The following UPRT variants were observed in gnomAD, a reference collection of about 807,000 sequenced individuals.
UPRT encodes uracil phosphoribosyltransferase homolog.
Under a neutral mutation model 22.6 loss-of-function variants are expected in UPRT, and 5 were observed. The ratio of observed to expected loss-of-function variants is 0.22; its 90% confidence interval spans 0.12 to 0.47. The LOEUF (loss-of-function observed/expected upper bound fraction) is 0.47. Ranked by LOEUF, UPRT falls within the 20% of genes least tolerant of loss-of-function variation. The probability of loss-of-function intolerance (pLI) is 0.99; values close to 1 mark genes in which losing one functional copy is unlikely to be tolerated. For synonymous variants in UPRT, 77 were observed against 87.7 expected (o/e 0.88, Z 0.68); for missense variants, 181 against 239.9 (o/e 0.75, Z 1.62).
intron 4 of UPRT, among the ~76,000 whole-genome samples, chrX:75,197,567 T>A (rs2082336344): frequency 9.0e-6 from 1 of 111,539 alleles, no homozygotes; most frequent in Admixed American, 9.6e-5. Flanking sequence ...ATCCAAAAAA[T>A]TTCCAGAAAT....
At chrX:75,281,512 T>G (rs2082656763) in intron 1 of UPRT, among the ~76,000 whole-genome samples, 2 of 112,076 alleles carry the variant, frequency 1.8e-5, no homozygotes, top group African/African-American at 6.5e-5. Context: ...TCTGCATCTA[T>G]TGAGATGATC....
chrX:75,234,136 C>G (rs1338831126), intron 4 of UPRT, among the ~76,000 whole-genome samples: 1 of 110,358 alleles, frequency 9.1e-6, no homozygotes, highest in South Asian at 3.9e-4. Flanking sequence ...GGTTGCAATC[C>G]TAGTCTCTGA....
chrX:75,265,219 G>T (rs1347438091), intron 4 of UPRT, among the ~76,000 whole-genome samples: 1 of 111,599 alleles, frequency 9.0e-6, no homozygotes, highest in Non-Finnish European at 1.9e-5. Flanking sequence ...GAATTTGAAT[G>T]TTGGCCTGCC....
At chrX:75,179,878 C>G (rs1285868744) in intron 4 of UPRT, among the ~76,000 whole-genome samples, 1 of 112,870 alleles carries the variant, frequency 8.9e-6, no homozygotes, top group Non-Finnish European at 1.9e-5. Flanking sequence ...GCATGCAGCC[C>G]CGGTTCCCGC....
intron 4 of UPRT, among the ~76,000 whole-genome samples, chrX:75,197,151 T>C (rs2082335024): frequency 9.0e-6 from 1 of 111,132 alleles, no homozygotes; most frequent in Admixed American, 9.6e-5. Context: ...GAAAAAATAA[T>C]CCTCCTTAAG....
intron 4 of UPRT, among the ~76,000 whole-genome samples, chrX:75,252,037 C>T (rs921513474): frequency 3.6e-5 from 4 of 112,332 alleles, no homozygotes; most frequent in Non-Finnish European, 5.6e-5. Flanking sequence ...GCATCCCTTC[C>T]TTACACCTTA....
chrX:75,247,719 A>G (rs992004439), intron 4 of UPRT, among the ~76,000 whole-genome samples: 1 of 112,314 alleles, frequency 8.9e-6, no homozygotes, highest in Non-Finnish European at 1.9e-5. Flanking sequence ...AGCTTTGAAG[A>G]GAGTAGTGGT....
At chrX:75,274,772 T>C (rs941295861) in intron 1 of UPRT, 132 bp downstream of exon 1, 2 of 634,714 alleles carry the variant, frequency 3.2e-6, no homozygotes, top group African/African-American at 5.7e-5. Flanking sequence ...AGACCTTTTA[T>C]TTGGTGTGTG....
At chrX:75,241,565 A>C (rs1421512676) in intron 4 of UPRT, among the ~76,000 whole-genome samples, 2 of 111,859 alleles carry the variant, frequency 1.8e-5, no homozygotes, top group African/African-American at 6.5e-5. Context: ...CAGTAATCTC[A>C]CTATTGGGTA....
At chrX:75,251,374 C>G (rs1236893519) in intron 4 of UPRT, among the ~76,000 whole-genome samples, 2 of 111,760 alleles carry the variant, frequency 1.8e-5, no homozygotes, top group African/African-American at 3.3e-5. Context: ...TCTCAGGACA[C>G]AAAATCAATG....
chrX:75,276,286 A>C (rs901521910), intron 1 of UPRT, among the ~76,000 whole-genome samples: 4 of 111,907 alleles, frequency 3.6e-5, no homozygotes, highest in African/African-American at 1.3e-4. Flanking sequence ...TATCCTGCCT[A>C]TGACATCTTG....
intron 4 of UPRT, among the ~76,000 whole-genome samples, chrX:75,248,983 A>G (rs1202454671): frequency 1.8e-5 from 2 of 111,576 alleles, no homozygotes; most frequent in Admixed American, 1.9e-4. Flanking sequence ...AAGGAGAAAT[A>G]AAATACTTTA....
upstream of UPRT, among the ~76,000 whole-genome samples, chrX:75,272,312 G>A (rs1024495580): frequency 0.042 from 455 of 10,926 alleles, 10 homozygotes; most frequent in Admixed American, 0.091. Context: ...ATATATATGT[G>A]TATATATACA....
intron 4 of UPRT, among the ~76,000 whole-genome samples, chrX:75,238,869 TCAA>T (rs2082478841): frequency 8.9e-6 from 1 of 111,772 alleles, no homozygotes; most frequent in African/African-American, 3.2e-5. Flanking sequence ...GATCCTTTGG[TCAA>T]CAACGAAATC....
intron 4 of UPRT, among the ~76,000 whole-genome samples, chrX:75,170,970 G>T (rs1332224593): frequency 9.0e-6 from 1 of 111,259 alleles, no homozygotes; most frequent in African/African-American, 3.3e-5. Flanking sequence ...TCCTTTATAG[G>T]TTCCCTGGTG....
At chrX:75,192,845 A>G (rs1290814014) in intron 4 of UPRT, among the ~76,000 whole-genome samples, 3 of 111,802 alleles carry the variant, frequency 2.7e-5, no homozygotes, top group Admixed American at 1.9e-4. Flanking sequence ...CTTTGAGCCT[A>G]TGGGCATCAT....
chrX:75,287,355 G>A (rs1398371092), intron 1 of UPRT, among the ~76,000 whole-genome samples: 1 of 111,397 alleles, frequency 9.0e-6, no homozygotes, highest in Non-Finnish European at 1.9e-5. Context: ...AGCTCCCCAT[G>A]TTAACATTTT....
In UPRT at chrX:75,183,253, G is replaced by T. The variant is rs745857890; in HGVS notation, c.-447+15374G>T. The stretch of plus-strand genomic sequence containing the variant: ...TGTTCTCACTGTTTAATTCCCACCT[G>T]TGAGTGAGAACATGTAGTGTTTGGT... On this transcript the variant is annotated intron_variant, in intron 4 of 13. Coordinates refer to the UPRT transcript ENST00000652605. 2.7e-5 allele frequency among the ~76,000 whole-genome samples: 3 copies of T among 110,453 alleles called. No homozygotes were observed. The East Asian group carries it at 8.6e-4, about 32-fold the overall frequency.
intron 4 of UPRT, among the ~76,000 whole-genome samples, chrX:75,198,808 C>T (rs2082339914): frequency 1.8e-5 from 2 of 111,308 alleles, no homozygotes; most frequent in Admixed American, 9.6e-5. Flanking sequence ...TCACCAATGC[C>T]ACCCCAACCC....
Sources: allele counts gnomAD v4.1 joint callset (sites outside exome capture counted in the v4.1 genomes callset), GRCh38; gene constraint gnomAD v4.1.1; transcripts MANE v1.5; gene names NCBI Gene and HGNC (gene_info 2026-07-23, HGNC 2026-07-21).